The following CCDC102B variants were observed in gnomAD, a reference collection of about 807,000 sequenced individuals.
CCDC102B encodes coiled-coil domain containing 102B.
CCDC102B carries 75 observed loss-of-function variants against 57.4 expected under a neutral mutation model. That is an observed-to-expected ratio of 1.31 (90% CI 1.08 to 1.58). The LOEUF is 1.58. Ranked by LOEUF, CCDC102B falls within the 40% of genes most tolerant of loss-of-function variation. The probability of loss-of-function intolerance (pLI) is 0.00; values close to 1 mark genes in which losing one functional copy is unlikely to be tolerated. For missense variants in CCDC102B, 636 were observed against 582.6 expected, an observed-to-expected ratio of 1.09 and a Z score of -0.94; for synonymous variants, 206 against 201.9, an observed-to-expected ratio of 1.02 and a Z score of -0.17.
chr18:68,885,429 CAG>C (rs2039850054), intron 5 of CCDC102B, among the ~76,000 whole-genome samples: 3 of 151,938 alleles, frequency 2.0e-5, no homozygotes, highest in Admixed American at 2.0e-4. Context: ...ACCAAAAAGA[CAG>C]AGCAAAGTTC....
intron 6 of CCDC102B, among the ~76,000 whole-genome samples, chr18:68,934,215 G>T (rs563594947): frequency 6.6e-6 from 1 of 152,004 alleles, no homozygotes; most frequent in African/African-American, 2.4e-5. Flanking sequence ...AAATGAAAAT[G>T]ACTTATCTAC....
chr18:68,822,106 G>A (rs2036713380), intron 1 of CCDC102B, among the ~76,000 whole-genome samples: 1 of 152,102 alleles, frequency 6.6e-6, no homozygotes, highest in Admixed American at 6.6e-5. Context: ...GTTTAAAGCT[G>A]AAATATTGGC....
intron 7 of CCDC102B, among the ~76,000 whole-genome samples, chr18:69,043,709 G>A (rs2052490229): frequency 6.6e-6 from 1 of 152,086 alleles, no homozygotes; most frequent in South Asian, 2.1e-4. Flanking sequence ...TAGATTAACA[G>A]AATCTCAAGG....
chr18:68,846,584 G>A (rs933078759), intron 4 of CCDC102B, among the ~76,000 whole-genome samples, 163 bp downstream of exon 4: 5 of 151,686 alleles, frequency 3.3e-5, no homozygotes, highest in Non-Finnish European at 7.4e-5. Context: ...TCAATAGTGG[G>A]CTTGGTCAAA....
intron 7 of CCDC102B, among the ~76,000 whole-genome samples, chr18:69,022,105 A>G (rs2051850778): frequency 6.6e-6 from 1 of 151,968 alleles, no homozygotes; most frequent in South Asian, 2.1e-4. Context: ...AGGACGGGTT[A>G]TATGGAAAGA....
At chr18:68,788,642 G>A (rs2035306004) in intron 2 of CCDC102B, among the ~76,000 whole-genome samples, 1 of 149,202 alleles carries the variant, frequency 6.7e-6, no homozygotes, top group South Asian at 2.1e-4. Flanking sequence ...TCAGAGACTA[G>A]GATTGCAACC....
intron 1 of CCDC102B, among the ~76,000 whole-genome samples, chr18:68,824,966 G>A (rs1312322180): frequency 2.0e-5 from 3 of 152,066 alleles, no homozygotes; most frequent in African/African-American, 7.2e-5. Flanking sequence ...TATGTTTCTG[G>A]TAAGAAGGAA....
At chr18:68,788,659 T>C (rs2144653203) in intron 2 of CCDC102B, among the ~76,000 whole-genome samples, 2 of 149,468 alleles carry the variant, frequency 1.3e-5, no homozygotes, top group East Asian at 3.9e-4. Context: ...AACCCCTGCC[T>C]TTTTTTGTTT....
chr18:68,810,211 G>GAGGT (rs1393816332), intron 1 of CCDC102B, among the ~76,000 whole-genome samples: 1 of 152,124 alleles, frequency 6.6e-6, no homozygotes, highest in Non-Finnish European at 1.5e-5. Context: ...AATTTGGAAA[G>GAGGT]AGGTAGTAAG....
chr18:68,793,546 G>A (rs527486347), upstream of CCDC102B, among the ~76,000 whole-genome samples: 174 of 151,838 alleles, frequency 1.1e-3, no homozygotes, highest in African/African-American at 3.6e-3. Context: ...TAACATGTCC[G>A]ATTCTGAGAC....
chr18:68,793,794 CTTT>C (rs762421014), upstream of CCDC102B, among the ~76,000 whole-genome samples: 1 of 152,096 alleles, frequency 6.6e-6, no homozygotes, highest in Non-Finnish European at 1.5e-5. Context: ...AAATTCATAG[CTTT>C]TTGAGAAAAC....
intron 7 of CCDC102B, among the ~76,000 whole-genome samples, chr18:69,034,431 A>G (rs992429261): frequency 1.7e-4 from 26 of 151,906 alleles, no homozygotes; most frequent in Admixed American, 7.2e-4. Context: ...TTCTTTGTCA[A>G]TCTAGATTCC....
chr18:69,052,960 G>C (rs1162382470), intron 7 of CCDC102B, among the ~76,000 whole-genome samples: 1 of 151,832 alleles, frequency 6.6e-6, no homozygotes, highest in East Asian at 1.9e-4. Flanking sequence ...GCATAGATTA[G>C]TGGCAAATAC....
intron 2 of CCDC102B, among the ~76,000 whole-genome samples, chr18:68,783,133 C>G (rs1218700684): frequency 6.6e-6 from 1 of 152,162 alleles, no homozygotes; most frequent in Non-Finnish European, 1.5e-5. Context: ...ATTTATCCAG[C>G]AGTCCTGGCC....
intron 6 of CCDC102B, among the ~76,000 whole-genome samples, chr18:68,943,951 G>T (rs1373279984): frequency 6.6e-6 from 1 of 152,122 alleles, no homozygotes; most frequent in South Asian, 2.1e-4. Flanking sequence ...AAGGGAACCA[G>T]GTATGGGGCT....
intron 1 of CCDC102B, among the ~76,000 whole-genome samples, chr18:68,810,861 C>A (rs929866348): frequency 1.1e-4 from 16 of 151,800 alleles, no homozygotes; most frequent in Non-Finnish European, 2.2e-4. Context: ...ACCCAACAGG[C>A]CCCAGTGTGT....
Position 68,835,021 on chromosome 18 carries a change from TG to T in CCDC102B, c.-15-1725del, listed in dbSNP as rs1444947902. ...AGAAAAGCGTATCTGAGAATAAAAATGGGTAATTATATACAGCCATGGAACT... is the reference window on the plus strand; with the variant it reads ...AGAAAAGCGTATCTGAGAATAAAAATGGTAATTATATACAGCCATGGAACT... On this transcript the variant is annotated intron_variant, in intron 1 of 7. Coordinates refer to ENST00000360242, the MANE Select transcript of CCDC102B (RefSeq NM_024781.3). 4.7e-4 allele frequency among the ~76,000 whole-genome samples: 72 copies of T among 152,062 alleles called. 1 individual carries two copies. Among genetic ancestry groups the T allele is most frequent in the African/African-American group, 1.7e-3 (70 of 41,438 alleles).
chr18:68,978,515 A>G (rs1355917490), intron 6 of CCDC102B, among the ~76,000 whole-genome samples: 1 of 152,036 alleles, frequency 6.6e-6, no homozygotes, highest in African/African-American at 2.4e-5. Context: ...AAAATTGATA[A>G]TTATAACCAT....
At position 68,885,634 on chromosome 18, in the gene CCDC102B, A is replaced by G. The variant is rs571895546; in HGVS notation, c.1053+10849A>G. Among the ~76,000 whole-genome samples, 142 of 152,194 alleles carry G rather than the reference A, an allele frequency of 9.3e-4. 2 individuals carry two copies. Among genetic ancestry groups the G allele is most frequent in the African/African-American group, 3.1e-3 (130 of 41,576 alleles). On this transcript the variant is annotated intron_variant, in intron 5 of 7. Transcript: ENST00000360242. ...TGAAGAAAGTGATTTACATCTTAGA[A>G]TTGTACACATACTCAATTTACAATA...
Sources: gnomAD v4.1 joint callset for allele counts (sites outside exome capture counted in the v4.1 genomes callset) on GRCh38, gnomAD v4.1.1 for gene constraint, MANE v1.5 for transcripts, NCBI Gene and HGNC (gene_info 2026-07-23, HGNC 2026-07-21) for gene names.